Variants in MAML3 observed in about 807,000 individuals in gnomAD.
The protein encoded by MAML3 is mastermind like transcriptional coactivator 3, also known as mastermind-like protein 3.
MAML3 carries 27 observed loss-of-function variants against 101.9 expected under a neutral mutation model. That is an observed-to-expected ratio of 0.27 (90% confidence interval 0.20 to 0.37). The LOEUF is 0.37. Ranked by LOEUF, MAML3 falls within the 10% of genes least tolerant of loss-of-function variation. The pLI is 1.00. For synonymous variants in MAML3, 501 were observed against 555.9 expected (o/e 0.90, Z 1.39); for missense variants, 1,316 against 1,444.9 (o/e 0.91, Z 1.45).
intron 1 of MAML3, among the ~76,000 whole-genome samples, chr4:140,043,498 A>G (rs1727121595): frequency 6.6e-6 from 1 of 152,226 alleles, no homozygotes; most frequent in African/African-American, 2.4e-5. Context: ...GGTTTCTGAC[A>G]TTCAACTTCT....
At chr4:139,937,560 T>C (rs1208712992) in intron 1 of MAML3, among the ~76,000 whole-genome samples, 1 of 152,118 alleles carries the variant, frequency 6.6e-6, no homozygotes, top group Admixed American at 6.6e-5. Context: ...CTAATTTTTG[T>C]ATTTTTTGGT....
rs1414145457 is a variant in MAML3 at position 139,890,545 on chromosome 4, C to T, written c.891G>A (p.Lys297=). ...CATTCAGATTAATGTCTGAGAACAG[C>T]TTGTTCTGATTTGAAAGAGATGTTT... ...TSETSLSNQN[K]LFSDINLNDQ... The change falls in exon 2 of 5, where the codon AAG becomes AAA. Residue 297 remains lysine (K), a synonymous_variant. Coordinates refer to ENST00000509479, the MANE Select transcript of MAML3 (RefSeq NM_018717.5). The surrounding 1 kb of genome is among the most constrained non-coding windows in gnomAD (Gnocchi z 4.1). The T allele has an allele frequency of 3.7e-6, 6 of 1,613,988 alleles. No individual in the cohort carries two copies. Among genetic ancestry groups the T allele is most frequent in the Non-Finnish European group, 5.1e-6 (6 of 1,179,870 alleles).
chr4:139,952,929 T>C (rs998687865), intron 1 of MAML3, among the ~76,000 whole-genome samples: 2 of 152,140 alleles, frequency 1.3e-5, no homozygotes, highest in African/African-American at 4.8e-5. Context: ...TCGCTGCCTG[T>C]CCAAAAAATG....
intron 2 of MAML3, among the ~76,000 whole-genome samples, chr4:139,856,348 C>T (rs1331331850): frequency 6.6e-6 from 1 of 152,192 alleles, no homozygotes; most frequent in East Asian, 1.9e-4. Flanking sequence ...GAGGAGAGAA[C>T]TCAGGAGAGG....
intron 2 of MAML3, among the ~76,000 whole-genome samples, chr4:139,811,459 T>A (rs1730796499): frequency 6.6e-6 from 1 of 152,188 alleles, no homozygotes. Context: ...TTCTGATCTG[T>A]GAATTTTAGA....
intron 4 of MAML3, among the ~76,000 whole-genome samples, chr4:139,720,843 G>T (rs1402090932): frequency 6.6e-6 from 1 of 152,224 alleles, no homozygotes; most frequent in Non-Finnish European, 1.5e-5. Flanking sequence ...TTGTGAAGTG[G>T]AACATGGTTC....
chr4:139,976,445 G>A lies in MAML3; in HGVS notation c.469-85478C>T, dbSNP rs1416461244. On this transcript the variant is annotated intron_variant, in intron 1 of 4. Transcript: ENST00000509479. ...ACTTTACTAGAGCCACAGCAAGAAAGTACTATTTATGTCAGGTTAATATCT... is the reference window on the plus strand; with the variant it reads ...ACTTTACTAGAGCCACAGCAAGAAAATACTATTTATGTCAGGTTAATATCT... Among the ~76,000 whole-genome samples the A allele has an allele frequency of 2.0e-5, 3 of 152,248 alleles. No individual in the cohort carries two copies. The South Asian group carries it at 6.2e-4, about 32-fold the overall frequency.
intron 1 of MAML3, among the ~76,000 whole-genome samples, chr4:139,969,682 C>T (rs909363174): frequency 1.3e-5 from 2 of 152,140 alleles, no homozygotes; most frequent in Non-Finnish European, 2.9e-5. Flanking sequence ...TAACCTCGCT[C>T]ATAGGAAACA....
At chr4:139,939,625 A>G (rs1733563009) in intron 1 of MAML3, among the ~76,000 whole-genome samples, 1 of 152,032 alleles carries the variant, frequency 6.6e-6, no homozygotes, top group Admixed American at 6.6e-5. Flanking sequence ...AATATCTCCA[A>G]TGATAGCTCC....
intron 1 of MAML3, among the ~76,000 whole-genome samples, chr4:139,975,424 C>T (rs913138426): frequency 1.3e-5 from 2 of 152,146 alleles, no homozygotes; most frequent in Admixed American, 6.5e-5. Context: ...CACACAGGCT[C>T]ACACATGAAC....
intron 1 of MAML3, among the ~76,000 whole-genome samples, chr4:139,988,628 T>C (rs961946550): frequency 1.3e-5 from 2 of 152,152 alleles, no homozygotes; most frequent in Non-Finnish European, 2.9e-5. Context: ...TAAACTTATA[T>C]ACAACAGGGA....
Position 139,889,543 on chromosome 4 carries a change from A to G in MAML3, c.1893T>C (p.Tyr631=). 1.2e-6 allele frequency: 2 copies of G among 1,612,360 alleles called. No individual in the cohort carries two copies. The highest frequency in any genetic ancestry group is 1.7e-6 in the Non-Finnish European group (2 of 1,179,526). Residue 631 remains tyrosine, a synonymous_variant, in exon 2 of 5, where the codon TAT becomes TAC. Transcript: ENST00000509479. The stretch of plus-strand genomic sequence containing the variant: ...GCTGCTGCTGTTGCTGCTGCTGGAT[A>G]TACGGCATCAAGGGGTTTTTGTTGG... ...ANPNKNPLMP[Y]IQQQQQQQQQ...
chr4:139,761,183 C>T (rs1729750546), intron 2 of MAML3, among the ~76,000 whole-genome samples: 1 of 152,212 alleles, frequency 6.6e-6, no homozygotes, highest in Non-Finnish European at 1.5e-5. Flanking sequence ...TGGTCTTGAA[C>T]TCCTGACCTC....
At chr4:139,898,028 T>G (rs577049419) in intron 1 of MAML3, among the ~76,000 whole-genome samples, 1 of 152,224 alleles carries the variant, frequency 6.6e-6, no homozygotes, top group African/African-American at 2.4e-5. Context: ...CAATTCAGTT[T>G]AGACATTACC....
At position 139,863,832 on chromosome 4, in the gene MAML3, G is replaced by GTTTTTTTT. The variant is rs58270046; in HGVS notation, c.2079+25517_2079+25524dup. ...TTTCTGTGGTAATACCAGAACATGG[G>GTTTTTTTT]TTTTTTTTTTTTTTTTTTTTTTTTG... On this transcript the variant is annotated intron_variant, in intron 2 of 4. Coordinates refer to ENST00000509479, the MANE Select transcript of MAML3 (RefSeq NM_018717.5). 1.7e-3 allele frequency among the ~76,000 whole-genome samples: 186 copies of GTTTTTTTT among 111,236 alleles called. 16 individuals carry two copies. Among genetic ancestry groups the GTTTTTTTT allele is most frequent in the South Asian group, 2.3e-3 (6 of 2,614 alleles). 73.0% of individuals were successfully genotyped at this position (111,236 alleles called of 152,430 possible).
intron 2 of MAML3, among the ~76,000 whole-genome samples, chr4:139,878,316 C>T (rs1378992444): frequency 6.6e-6 from 1 of 152,136 alleles, no homozygotes; most frequent in African/African-American, 2.4e-5. Flanking sequence ...TTCTCCCTGC[C>T]CTGAATCCTG....
At chr4:140,123,646 A>G (rs1008000803) in intron 1 of MAML3, among the ~76,000 whole-genome samples, 2 of 152,340 alleles carry the variant, frequency 1.3e-5, no homozygotes, top group Admixed American at 1.3e-4. Context: ...TCACATCTGA[A>G]GTCCATTATT....
At chr4:140,119,478 T>A (rs1728568516) in intron 1 of MAML3, among the ~76,000 whole-genome samples, 1 of 152,208 alleles carries the variant, frequency 6.6e-6, no homozygotes, top group African/African-American at 2.4e-5. Context: ...TTAGTGTACC[T>A]AAATACAGTC....
chr4:139,877,311 T>G (rs1732134651), intron 2 of MAML3, among the ~76,000 whole-genome samples: 1 of 151,808 alleles, frequency 6.6e-6, no homozygotes, highest in Non-Finnish European at 1.5e-5. Context: ...TATAATAGAG[T>G]ATCTTTGTAT....
Sources: gnomAD v4.1 joint callset for allele counts (sites outside exome capture counted in the v4.1 genomes callset) on GRCh38, gnomAD v4.1.1 for gene constraint, Gnocchi (gnomAD v3.1) non-coding constraint, MANE v1.5 for transcripts, NCBI Gene and HGNC (gene_info 2026-07-23, HGNC 2026-07-21) for gene names.